Variants in RANBP3L observed in about 807,000 individuals in gnomAD.
The protein encoded by RANBP3L is RAN binding protein 3 like, also known as ran-binding protein 3-like.
A neutral mutation model predicts 67.2 loss-of-function variants in RANBP3L; 56 were observed. The ratio of observed to expected loss-of-function variants is 0.83; its 90% confidence interval spans 0.67 to 1.04. RANBP3L has a LOEUF of 1.04. Among genes scored for constraint, RANBP3L ranks in the 50% least tolerant of loss-of-function variants. RANBP3L has a pLI of 0.00. For synonymous variants in RANBP3L, 164 were observed against 181.4 expected (o/e 0.90, Z 0.77); for missense variants, 496 against 535.5 (o/e 0.93, Z 0.73).
At chr5:36,297,737 G>A (rs544816638) in intron 1 of RANBP3L, among the ~76,000 whole-genome samples, 245 of 152,282 alleles carry the variant, frequency 1.6e-3, no homozygotes, top group African/African-American at 5.7e-3. Flanking sequence ...AACAAGTTGG[G>A]AGATGAGCCT....
intron 1 of RANBP3L, among the ~76,000 whole-genome samples, chr5:36,294,986 A>G (rs909394688): frequency 2.0e-5 from 3 of 150,426 alleles, no homozygotes; most frequent in Non-Finnish European, 4.4e-5. Context: ...ATATACACAC[A>G]CATATATATA....
intron 1 of RANBP3L, among the ~76,000 whole-genome samples, chr5:36,286,162 G>C (rs1478332535): frequency 6.6e-6 from 1 of 152,146 alleles, no homozygotes; most frequent in East Asian, 1.9e-4. Flanking sequence ...CCATTTGGAA[G>C]AATTTACCCT....
intron 1 of RANBP3L, among the ~76,000 whole-genome samples, chr5:36,281,607 C>T (rs1249973868): frequency 3.3e-5 from 5 of 152,072 alleles, no homozygotes; most frequent in Admixed American, 6.6e-5. Flanking sequence ...CTGTATAAAC[C>T]TGGTTGGGAC....
intron 1 of RANBP3L, among the ~76,000 whole-genome samples, chr5:36,293,646 CCA>C (rs1751971328): frequency 8.2e-6 from 1 of 122,400 alleles, no homozygotes; most frequent in Non-Finnish European, 1.9e-5. Context: ...TTTTCTGCAT[CCA>C]TTGAGATAAT....
chr5:36,269,119 G>A (rs1441227069), intron 4 of RANBP3L, among the ~76,000 whole-genome samples: 1 of 152,194 alleles, frequency 6.6e-6, no homozygotes, highest in Admixed American at 6.5e-5. Flanking sequence ...ACAGGGAGGA[G>A]ACCAAATCAC....
rs975518578 is a variant in RANBP3L, at chr5:36,262,897, C to T, written c.481-855G>A. ...ATCTCTCAGCCAAAATGGTAGTTTT[C>T]ACTCCTATGTTGGTTAAAATAGTTA... On this transcript the variant is annotated intron_variant, in intron 6 of 13. Coordinates refer to ENST00000296604, the MANE Select transcript of RANBP3L (RefSeq NM_145000.5). 2.0e-5 allele frequency among the ~76,000 whole-genome samples: 3 copies of T among 152,124 alleles called. No individual in the cohort carries two copies. In the East Asian group the frequency reaches 5.8e-4, roughly 29 times the overall value.
At chr5:36,287,183 A>G (rs1751386480) in intron 1 of RANBP3L, among the ~76,000 whole-genome samples, 1 of 152,198 alleles carries the variant, frequency 6.6e-6, no homozygotes, top group South Asian at 2.1e-4. Flanking sequence ...GTGAGACTCT[A>G]ATGTGCATTG....
chr5:36,260,907 T>C, intron 7 of RANBP3L, 43 bp from the exon 8 acceptor site: 1 of 818,490 alleles, frequency 1.2e-6, no homozygotes, highest in Non-Finnish European at 2.0e-6. Flanking sequence ...AATACATAGA[T>C]AAAGCCATTT....
At chr5:36,268,893 G>T (rs1192155715) in intron 4 of RANBP3L, among the ~76,000 whole-genome samples, 1 of 152,008 alleles carries the variant, frequency 6.6e-6, no homozygotes, top group African/African-American at 2.4e-5. Flanking sequence ...TGTATTTTTA[G>T]TAGAGATGGG....
chr5:36,289,567 G>T (rs1014633159), intron 1 of RANBP3L, among the ~76,000 whole-genome samples: 4 of 152,074 alleles, frequency 2.6e-5, no homozygotes, highest in Non-Finnish European at 4.4e-5. Flanking sequence ...GTCTTCTTCA[G>T]CTTCACACTG....
intron 5 of RANBP3L, 43 bp from the exon 6 acceptor site, chr5:36,265,141 A>G: frequency 8.0e-7 from 1 of 1,251,506 alleles, no homozygotes; most frequent in Non-Finnish European, 1.1e-6. Context: ...GTTTACTGAA[A>G]TATTCCTTTA....
intron 1 of RANBP3L, among the ~76,000 whole-genome samples, chr5:36,288,792 T>C (rs1319030375): frequency 2.0e-5 from 3 of 152,174 alleles, no homozygotes. Context: ...TGCCAGATCT[T>C]TTGCCCATTT....
intron 1 of RANBP3L, among the ~76,000 whole-genome samples, chr5:36,279,920 G>A (rs575680799): frequency 6.6e-6 from 1 of 152,214 alleles, no homozygotes; most frequent in Non-Finnish European, 1.5e-5. Flanking sequence ...ATACCAAGCT[G>A]ATAAAGAAAG....
intron 4 of RANBP3L, among the ~76,000 whole-genome samples, chr5:36,268,564 T>C (rs1463565229): frequency 1.3e-5 from 2 of 152,098 alleles, no homozygotes; most frequent in Non-Finnish European, 2.9e-5. Flanking sequence ...TATTACAAGG[T>C]GGAAGGCATA....
chr5:36,272,076 T>C (rs918599306), intron 1 of RANBP3L, among the ~76,000 whole-genome samples: 29 of 152,136 alleles, frequency 1.9e-4, no homozygotes, highest in African/African-American at 6.8e-4. Flanking sequence ...ACATCACTAA[T>C]TGACTAACTA....
At chr5:36,252,997 A>T (rs1271325496) in intron 12 of RANBP3L, among the ~76,000 whole-genome samples, 1 of 151,760 alleles carries the variant, frequency 6.6e-6, no homozygotes, top group African/African-American at 2.4e-5. Flanking sequence ...GGGGAAATCC[A>T]GTTTTTTTTG....
chr5:36,287,125 C>G (rs941680993), intron 1 of RANBP3L, among the ~76,000 whole-genome samples: 1 of 152,118 alleles, frequency 6.6e-6, no homozygotes, highest in African/African-American at 2.4e-5. Flanking sequence ...AAAGAGCACG[C>G]AACCTAGATC....
At chr5:36,255,847 C>T (rs1005170685) in intron 10 of RANBP3L, among the ~76,000 whole-genome samples, 29 of 152,074 alleles carry the variant, frequency 1.9e-4, no homozygotes, top group Non-Finnish European at 2.6e-4. Flanking sequence ...AATTTCCACC[C>T]CTGCAACAAG....
chr5:36,291,356 TTTTA>T (rs1385590391), intron 1 of RANBP3L, among the ~76,000 whole-genome samples: 176 of 150,940 alleles, frequency 1.2e-3, no homozygotes, highest in African/African-American at 4.1e-3. Flanking sequence ...TTTTTTATTT[TTTTA>T]TTTTTATTTT....
Sources: allele counts gnomAD v4.1 joint callset (sites outside exome capture counted in the v4.1 genomes callset), GRCh38; gene constraint gnomAD v4.1.1; transcripts MANE v1.5; gene names NCBI Gene and HGNC (gene_info 2026-07-23, HGNC 2026-07-21).